Variants in TMEM200A observed in about 807,000 individuals in gnomAD.
TMEM200A encodes the protein two transmembrane C.
Under a neutral mutation model 24.3 loss-of-function variants are expected in TMEM200A, and 12 were observed. The observed-to-expected ratio is 0.49, with a 90% CI of 0.32 to 0.80. The LOEUF (loss-of-function observed/expected upper bound fraction) is 0.80. Among genes scored for constraint, TMEM200A ranks in the 30% least tolerant of loss-of-function variants. The probability of loss-of-function intolerance (pLI) is 0.04; values close to 1 mark genes in which losing one functional copy is unlikely to be tolerated. For synonymous variants in TMEM200A, 224 were observed against 224.4 expected (o/e 1.00, Z 0.02); for missense variants, 545 against 614.4 (o/e 0.89, Z 1.19).
intron 1 of TMEM200A, among the ~76,000 whole-genome samples, chr6:130,381,002 T>C (rs1435945007): frequency 6.6e-6 from 1 of 152,142 alleles, no homozygotes; most frequent in Non-Finnish European, 1.5e-5. Flanking sequence ...AAATAAAAAT[T>C]AAGTTTCAGA....
chr6:130,391,812 G>A (rs1778840410), intron 2 of TMEM200A, among the ~76,000 whole-genome samples: 2 of 142,112 alleles, frequency 1.4e-5, no homozygotes, highest in Non-Finnish European at 3.0e-5. Flanking sequence ...GCACGATCTC[G>A]GCTCACTGCA....
intron 2 of TMEM200A, among the ~76,000 whole-genome samples, chr6:130,436,631 C>CTTTTTTTTTTTTTTTT (rs1203926640): frequency 1.1e-5 from 1 of 92,926 alleles, no homozygotes; most frequent in Non-Finnish European, 2.0e-5. Context: ...TTTCTTTATC[C>CTTTTTTTTTTTTTTTT]TTTTTTTTTT....
At chr6:130,381,719 T>C (rs923633914) in intron 1 of TMEM200A, among the ~76,000 whole-genome samples, 1 of 152,210 alleles carries the variant, frequency 6.6e-6, no homozygotes, top group Non-Finnish European at 1.5e-5. Flanking sequence ...TCTTTGTTGT[T>C]GTTGTTGTTG....
intron 1 of TMEM200A, among the ~76,000 whole-genome samples, chr6:130,377,099 C>G (rs1661122725): frequency 6.6e-6 from 1 of 152,148 alleles, no homozygotes; most frequent in South Asian, 2.1e-4. Context: ...AAGAGCATAA[C>G]AAGCTTTTCT....
At chr6:130,379,117 C>G (rs772829854) in intron 1 of TMEM200A, among the ~76,000 whole-genome samples, 2 of 152,198 alleles carry the variant, frequency 1.3e-5, no homozygotes, top group Non-Finnish European at 2.9e-5. Flanking sequence ...GAGGTTCCAC[C>G]TCTCAACACT....
Position 130,370,384 on chromosome 6 carries a change from A to T in TMEM200A, c.-81+3860A>T, listed in dbSNP as rs1387253279. On this transcript the variant is annotated intron_variant, in intron 1 of 2. Transcript: ENST00000296978. ...CTAAATCATGTGCCCAACCCTGTGT[A>T]TATGTGGTTCTGGTGCTGGGATGAG... Among the ~76,000 whole-genome samples the T allele has an allele frequency of 2.6e-5, 4 of 152,058 alleles. No individual in the cohort carries two copies. In the East Asian group the frequency reaches 7.7e-4, roughly 29 times the overall value.
At chr6:130,372,756 C>T (rs759368899) in intron 1 of TMEM200A, among the ~76,000 whole-genome samples, 11 of 151,974 alleles carry the variant, frequency 7.2e-5, no homozygotes, top group Non-Finnish European at 1.3e-4. Flanking sequence ...TGGATGTGTG[C>T]GCAATTGACT....
chr6:130,436,630 C>CTTTTTTTTTTTGTTTTTT (rs1583233634), intron 2 of TMEM200A, among the ~76,000 whole-genome samples: 1 of 66,728 alleles, frequency 1.5e-5, no homozygotes, highest in Admixed American at 2.0e-4. Context: ...TTTTCTTTAT[C>CTTTTTTTTTTTGTTTTTT]CTTTTTTTTT....
chr6:130,397,492 C>T (rs752139875), intron 2 of TMEM200A, among the ~76,000 whole-genome samples: 11 of 152,100 alleles, frequency 7.2e-5, no homozygotes, highest in Non-Finnish European at 1.6e-4. Flanking sequence ...TCCTTTTCAT[C>T]CTTAATAATG....
At chr6:130,374,333 T>G (rs1442160019) in intron 1 of TMEM200A, among the ~76,000 whole-genome samples, 2 of 152,162 alleles carry the variant, frequency 1.3e-5, no homozygotes, top group African/African-American at 4.8e-5. Flanking sequence ...TCCATGGCTA[T>G]GTCCCTAGCA....
chr6:130,427,116 C>T (rs555476847), intron 2 of TMEM200A, among the ~76,000 whole-genome samples: 10 of 152,288 alleles, frequency 6.6e-5, no homozygotes, highest in African/African-American at 2.4e-4. Context: ...TAATATGTAC[C>T]AGACTGGTTT....
At chr6:130,411,970 G>T (rs1266678676) in intron 2 of TMEM200A, among the ~76,000 whole-genome samples, 1 of 152,138 alleles carries the variant, frequency 6.6e-6, no homozygotes, top group East Asian at 1.9e-4. Flanking sequence ...TTATGGTCTT[G>T]TAGTTTAGTA....
chr6:130,427,041 C>T (rs565720394), intron 2 of TMEM200A, among the ~76,000 whole-genome samples: 68 of 152,234 alleles, frequency 4.5e-4, no homozygotes, highest in Non-Finnish European at 8.4e-4. Context: ...TTGCTCCAAT[C>T]CTGCATTTTT....
At chr6:130,398,421 A>C (rs1779003081) in intron 2 of TMEM200A, among the ~76,000 whole-genome samples, 1 of 150,822 alleles carries the variant, frequency 6.6e-6, no homozygotes, top group Non-Finnish European at 1.5e-5. Context: ...TAGTGCTGTA[A>C]TGAACATACC....
rs142563173 is a variant in TMEM200A, at chr6:130,433,752, G to C, written c.-16-6655G>C. The stretch of plus-strand genomic sequence containing the variant: ...ATTCTGGTGAATTTTTAAACCTCCA[G>C]ATAAAGATAAAAATTCAAACATATA... On this transcript the variant is annotated intron_variant, in intron 2 of 2. Coordinates refer to ENST00000296978, the MANE Select transcript of TMEM200A (RefSeq NM_001258277.2). Among the ~76,000 whole-genome samples, 657 of 152,172 alleles carry C rather than the reference G, an allele frequency of 4.3e-3. 6 individuals carry two copies. Among genetic ancestry groups the C allele is most frequent in the African/African-American group, 0.015 (636 of 41,526 alleles).
rs1394660423 is a variant in TMEM200A, at chr6:130,382,465, T to C, written c.-80-2708T>C. Among the ~76,000 whole-genome samples, 3 of 152,332 alleles carry C rather than the reference T, an allele frequency of 2.0e-5. No individual in the cohort carries two copies. The East Asian group carries it at 5.8e-4, about 29-fold the overall frequency. Reference sequence around the variant, plus strand: ...CCCACCTTGAATTAGTGCATCTCTTTCGTGGAGTCTTCTCTGGCCTTTCTC... The same window carrying C: ...CCCACCTTGAATTAGTGCATCTCTTCCGTGGAGTCTTCTCTGGCCTTTCTC... On this transcript the variant is annotated intron_variant, in intron 1 of 2. Transcript: ENST00000296978.
intron 2 of TMEM200A, among the ~76,000 whole-genome samples, chr6:130,397,549 C>T (rs1778980283): frequency 1.3e-5 from 2 of 151,894 alleles, no homozygotes; most frequent in Admixed American, 1.3e-4. Context: ...TGTTGTTATA[C>T]AAGCTTTCTT....
rs1280393515 is a variant in TMEM200A at position 130,381,942 on chromosome 6, C to A, written c.-80-3231C>A. 3.0e-6 allele frequency: 3 copies of A among 985,296 alleles called. No homozygotes were observed. The South Asian group carries it at 1.4e-4, about 46-fold the overall frequency. 61.0% of individuals were successfully genotyped at this position (985,296 alleles called of 1,614,324 possible). A position where few individuals can be genotyped will look rare whatever the true frequency, so the allele number is the denominator to read the frequency against. Reference sequence around the variant, plus strand: ...TCTGTGGCTTCCTCTTCCGTTCACTCCAGAACACACTGCCATCTGGCTGCC... The same window carrying A: ...TCTGTGGCTTCCTCTTCCGTTCACTACAGAACACACTGCCATCTGGCTGCC... On this transcript the variant is annotated intron_variant, in intron 1 of 2. Coordinates refer to ENST00000296978, the MANE Select transcript of TMEM200A (RefSeq NM_001258277.2).
At chr6:130,377,404 G>C (rs1778484279) in intron 1 of TMEM200A, among the ~76,000 whole-genome samples, 1 of 152,128 alleles carries the variant, frequency 6.6e-6, no homozygotes, top group Non-Finnish European at 1.5e-5. Context: ...ACCATCCTAG[G>C]GATTCCCTGT....
Sources: allele counts gnomAD v4.1 joint callset (sites outside exome capture counted in the v4.1 genomes callset), GRCh38; gene constraint gnomAD v4.1.1; transcripts MANE v1.5; gene names NCBI Gene and HGNC (gene_info 2026-07-23, HGNC 2026-07-21).